The following ASZ1 variants were observed in gnomAD, a reference collection of about 807,000 sequenced individuals.
ASZ1 encodes ankyrin repeat, SAM and basic leucine zipper domain containing 1, also known as ankyrin repeat, SAM and basic leucine zipper domain-containing protein 1.
In ASZ1, 67 loss-of-function variants were observed where a neutral mutation model predicts 61.8. The ratio of observed to expected loss-of-function variants is 1.08; its 90% CI spans 0.89 to 1.33. ASZ1 has a LOEUF of 1.33. ASZ1 is among the 40% of genes most tolerant of loss of function. ASZ1 has a pLI of 0.00. For missense variants in ASZ1, 577 were observed against 554.5 expected (o/e 1.04, Z -0.41); for synonymous variants, 193 against 192.7 (o/e 1.00, Z -0.01).
In ASZ1 at chr7:117,363,558, A is replaced by G. The variant is rs1297274647; in HGVS notation, c.*38T>C. The G allele has an allele frequency of 6.8e-7, 1 of 1,466,406 alleles. No individual in the cohort carries two copies. The highest frequency in any genetic ancestry group is 1.5e-5 in the South Asian group (1 of 67,748). The allele number at this position is 1,466,406 out of a possible 1,614,324, so 90.8% of individuals were successfully genotyped here. On this transcript the variant is annotated 3_prime_UTR_variant, in exon 13 of 13. Transcript: ENST00000284629. The stretch of plus-strand genomic sequence containing the variant: ...AAAGCAATGATTTTTGGATGGTTCA[A>G]TAAGATGTGTATATATAACTTAAAA...
At chr7:117,384,349 C>T (rs1031086070) in intron 6 of ASZ1, among the ~76,000 whole-genome samples, 3 of 152,026 alleles carry the variant, frequency 2.0e-5, no homozygotes, top group African/African-American at 7.2e-5. Context: ...ATTAATTAAA[C>T]TTACAAAAGA....
chr7:117,368,940 C>G (rs185185735), intron 10 of ASZ1, among the ~76,000 whole-genome samples: 1 of 152,206 alleles, frequency 6.6e-6, no homozygotes, highest in East Asian at 1.9e-4. Flanking sequence ...TGCAGATATA[C>G]AATTACAGCT....
intron 4 of ASZ1, among the ~76,000 whole-genome samples, chr7:117,399,046 T>C (rs948033935): frequency 1.3e-5 from 2 of 151,918 alleles, no homozygotes; most frequent in East Asian, 3.9e-4. Context: ...CTGGGCAACA[T>C]AGTGAGACTC....
At chr7:117,371,867 T>C (rs981651365) in intron 10 of ASZ1, among the ~76,000 whole-genome samples, 1 of 152,178 alleles carries the variant, frequency 6.6e-6, no homozygotes, top group African/African-American at 2.4e-5. Context: ...CACAAATATA[T>C]ATGCGGAATA....
intron 10 of ASZ1, among the ~76,000 whole-genome samples, chr7:117,372,814 A>G (rs1220450529): frequency 1.3e-5 from 2 of 152,158 alleles, no homozygotes; most frequent in Non-Finnish European, 2.9e-5. Flanking sequence ...GGATATATAT[A>G]ACTGACATTG....
At chr7:117,385,619 ATTAC>A (rs1796338826) in intron 5 of ASZ1, 75 bp downstream of exon 5, 1 of 1,182,354 alleles carries the variant, frequency 8.5e-7, no homozygotes, top group Non-Finnish European at 1.2e-6. Flanking sequence ...TTTTGTAATT[ATTAC>A]TTCTTAAAAT....
intron 2 of ASZ1, among the ~76,000 whole-genome samples, chr7:117,426,008 C>T (rs1304422037): frequency 1.3e-5 from 2 of 151,844 alleles, no homozygotes; most frequent in Non-Finnish European, 2.9e-5. Context: ...CTTCAACCCC[C>T]CAAAAATGAA....
At chr7:117,381,194 G>A (rs555195143) in intron 8 of ASZ1, 127 bp from the exon 9 acceptor site, 544 of 698,850 alleles carry the variant, frequency 7.8e-4, no homozygotes, top group Non-Finnish European at 1.1e-3. Context: ...AGAGGGGACA[G>A]GATATATACA....
chr7:117,390,802 C>G (rs1274807480), intron 4 of ASZ1, among the ~76,000 whole-genome samples: 2 of 152,160 alleles, frequency 1.3e-5, no homozygotes, highest in African/African-American at 4.8e-5. Flanking sequence ...CTCCTGGGTT[C>G]AAGCGATTCT....
At chr7:117,424,147 C>T (rs370716443) in intron 2 of ASZ1, among the ~76,000 whole-genome samples, 1 of 151,924 alleles carries the variant, frequency 6.6e-6, no homozygotes, top group African/African-American at 2.4e-5. Context: ...GAGGGGGTAC[C>T]GTACTTTTCT....
chr7:117,399,822 T>C (rs1243610831), intron 4 of ASZ1, among the ~76,000 whole-genome samples: 1 of 152,154 alleles, frequency 6.6e-6, no homozygotes, highest in Admixed American at 6.5e-5. Flanking sequence ...CTTAAACCAT[T>C]GAATTCTACA....
intron 4 of ASZ1, among the ~76,000 whole-genome samples, chr7:117,404,118 CTATA>C (rs1304659341): frequency 1.3e-5 from 2 of 152,074 alleles, no homozygotes; most frequent in African/African-American, 4.8e-5. Flanking sequence ...TTTAGGTGAC[CTATA>C]TATAGTTTTT....
intron 4 of ASZ1, among the ~76,000 whole-genome samples, chr7:117,391,038 A>G (rs1400928049): frequency 2.6e-5 from 4 of 151,770 alleles, no homozygotes; most frequent in Admixed American, 6.6e-5. Context: ...AGGGTGTGAG[A>G]TGGTACCTCA....
Position 117,385,685 on chromosome 7 carries a change from A to G in ASZ1, c.552+13T>C. 16 of 1,546,096 alleles carry G rather than the reference A, an allele frequency of 1.0e-5. No homozygotes were observed. Among genetic ancestry groups the G allele is most frequent in the Non-Finnish European group, 1.4e-5 (16 of 1,123,638 alleles). On this transcript the variant is annotated intron_variant, in intron 5 of 12. Transcript: ENST00000284629. ...ACAGAAACAAAAAGAAACATTGTAA[A>G]AATGTTTCTCACAGTGTAACCATTC...
At chr7:117,369,685 G>A (rs952796533) in intron 10 of ASZ1, among the ~76,000 whole-genome samples, 3 of 152,192 alleles carry the variant, frequency 2.0e-5, no homozygotes, top group Non-Finnish European at 4.4e-5. Flanking sequence ...TGGATTGTAC[G>A]TAATGGAAGA....
intron 4 of ASZ1, among the ~76,000 whole-genome samples, chr7:117,417,925 T>C (rs1288421014): frequency 6.6e-6 from 1 of 152,266 alleles, no homozygotes; most frequent in Non-Finnish European, 1.5e-5. Context: ...AACTGCCTTA[T>C]AGTGTCATTG....
chr7:117,385,782 A>T lies in ASZ1; in HGVS notation c.468T>A (p.Ala156=). The change falls in exon 5 of 13, where the codon GCT becomes GCA. Residue 156 remains alanine (A), a synonymous_variant. Transcript: ENST00000284629. ...CAACCTGGGTGTGACCATCTCGAGCAGCATACATGATTGGGGTCATAAGTC... is the reference window on the plus strand; with the variant it reads ...CAACCTGGGTGTGACCATCTCGAGCTGCATACATGATTGGGGTCATAAGTC... ...CRRLMTPIMY[A]ARDGHTQVVA... 1 of 1,613,584 alleles carries T rather than the reference A, an allele frequency of 6.2e-7. No homozygotes were observed. The highest frequency in any genetic ancestry group is 8.5e-7 in the Non-Finnish European group (1 of 1,179,652).
In ASZ1 at chr7:117,385,793, T is replaced by C. The variant is rs1212886634; in HGVS notation, c.457A>G (p.Ile153Val). 1.3e-5 allele frequency: 21 copies of C among 1,612,844 alleles called. No individual in the cohort carries two copies. The highest frequency in any genetic ancestry group is 1.5e-5 in the Non-Finnish European group (18 of 1,179,226). ...NVACRRLMTP[I>V]MYAARDGHTQ... The stretch of plus-strand genomic sequence containing the variant: ...TGACCATCTCGAGCAGCATACATGA[T>C]TGGGGTCATAAGTCTCCTAAGGAGG... Residue 153 changes from isoleucine to valine, a missense_variant, in exon 5 of 13, where the codon ATC becomes GTC. Physicochemically the swap from Ile to Val is conservative, Grantham distance 29. Transcript: ENST00000284629.
rs1005227076 is a variant in ASZ1, at chr7:117,420,548, A to T, written c.329-274T>A. On this transcript the variant is annotated intron_variant, in intron 3 of 12. Coordinates refer to ENST00000284629, the MANE Select transcript of ASZ1 (RefSeq NM_130768.3). ...GAACAGAAAGTGGTTAAGGACATGGACACAGCCACATTGTCTGGATTTGAA... is the reference window on the plus strand; with the variant it reads ...GAACAGAAAGTGGTTAAGGACATGGTCACAGCCACATTGTCTGGATTTGAA... 2.0e-5 allele frequency among the ~76,000 whole-genome samples: 3 copies of T among 152,344 alleles called. No homozygotes were observed. In the East Asian group the frequency reaches 5.8e-4, roughly 29 times the overall value.
Sources: allele counts gnomAD v4.1 joint callset (sites outside exome capture counted in the v4.1 genomes callset), GRCh38; gene constraint gnomAD v4.1.1; transcripts MANE v1.5; gene names NCBI Gene and HGNC (gene_info 2026-07-23, HGNC 2026-07-21).